HERC3: variants seen among roughly 807,000 people sequenced by gnomAD.
HERC3 encodes the protein probable E3 ubiquitin-protein ligase HERC3.
HERC3 carries 58 observed loss-of-function variants against 129.9 expected under a neutral mutation model. That is an observed-to-expected ratio of 0.45 (90% confidence interval 0.36 to 0.56). The LOEUF (loss-of-function observed/expected upper bound fraction) is 0.56. Among genes scored for constraint, HERC3 ranks in the 20% least tolerant of loss-of-function variants. The pLI is 0.00. For synonymous variants in HERC3, 430 were observed against 451.0 expected, an observed-to-expected ratio of 0.95 and a Z score of 0.59; for missense variants, 835 against 1,244.2, an observed-to-expected ratio of 0.67 and a Z score of 4.95.
intron 11 of HERC3, 40 bp from the exon 12 acceptor site, chr4:88,664,113 A>T (rs1348071790): frequency 6.5e-7 from 1 of 1,549,126 alleles, no homozygotes; most frequent in Non-Finnish European, 8.8e-7. Context: ...TTTATTTGTA[A>T]TTATTAAAGG....
the HERC3 span, among the ~76,000 whole-genome samples, chr4:88,582,182 A>G: frequency 7.9e-5 from 12 of 152,210 alleles, no homozygotes; most frequent in Non-Finnish European, 1.6e-4. Flanking sequence ...ATAGACTAAA[A>G]TGAATAGTTT....
chr4:88,636,864 G>A (rs1275969821), intron 3 of HERC3, among the ~76,000 whole-genome samples: 5 of 152,270 alleles, frequency 3.3e-5, no homozygotes, highest in East Asian at 1.9e-4. Flanking sequence ...GGCCAGGTGC[G>A]ATGGCTCATG....
upstream of HERC3, among the ~76,000 whole-genome samples, chr4:88,591,590 T>A (rs1022309342): frequency 2.0e-5 from 3 of 152,074 alleles, no homozygotes. Context: ...GCATTTTACA[T>A]TTAAGGGGGG....
At chr4:88,688,339 A>G (rs768004629) in intron 23 of HERC3, among the ~76,000 whole-genome samples, 2 of 152,108 alleles carry the variant, frequency 1.3e-5, no homozygotes, top group Non-Finnish European at 2.9e-5. Flanking sequence ...TTGGAGTAGA[A>G]CATGATTGGT....
At position 88,658,446 on chromosome 4, in the gene HERC3, C is replaced by T; in HGVS notation, c.1101C>T (p.Ile367=). Residue 367 remains isoleucine, a synonymous_variant, in exon 10 of 26, where the codon ATC becomes ATT. Transcript: ENST00000402738. ...DRFKYHIVKQ[I]FSGGDQTFVL... ...TTAAATATCATATCGTTAAGCAGAT[C>T]TTCTCTGGAGGAGACCAGACTTTTG... 1 of 1,604,024 alleles carries T rather than the reference C, an allele frequency of 6.2e-7. No individual in the cohort carries two copies. Among genetic ancestry groups the T allele is most frequent in the Non-Finnish European group, 8.5e-7 (1 of 1,174,308 alleles).
intron 16 of HERC3, among the ~76,000 whole-genome samples, chr4:88,675,553 C>T (rs1474483776): frequency 6.6e-6 from 1 of 151,836 alleles, no homozygotes; most frequent in Non-Finnish European, 1.5e-5. Flanking sequence ...ATGTTTGTTA[C>T]GTAACTTAAC....
In HERC3 at chr4:88,704,012, A is replaced by G. The variant is rs1735551350; in HGVS notation, c.2658-86A>G. The G allele has an allele frequency of 5.0e-6, 6 of 1,188,800 alleles. 1 individual carries two copies. The Admixed American group carries it at 6.4e-5, about 13-fold the overall frequency. 73.6% of individuals were successfully genotyped at this position (1,188,800 alleles called of 1,614,324 possible). On this transcript the variant is annotated intron_variant, in intron 23 of 25. Transcript: ENST00000402738. The stretch of plus-strand genomic sequence containing the variant: ...AGAATTTGATGAAATTCTATTTTTT[A>G]TCACTCCCAATCTCAGTGTAGAAGG...
chr4:88,645,369 C>T (rs533850781), intron 3 of HERC3, among the ~76,000 whole-genome samples: 4 of 152,172 alleles, frequency 2.6e-5, no homozygotes, highest in African/African-American at 9.6e-5. Context: ...TGACAATTTG[C>T]GGAAAAGCAG....
intron 3 of HERC3, among the ~76,000 whole-genome samples, chr4:88,614,964 G>GAGAT (rs1383334029): frequency 6.6e-6 from 1 of 152,186 alleles, no homozygotes; most frequent in African/African-American, 2.4e-5. Context: ...CTGCAGTGAA[G>GAGAT]AGATAGGTCA....
At chr4:88,565,359 T>TG in the HERC3 span, among the ~76,000 whole-genome samples, 1 of 152,176 alleles carries the variant, frequency 6.6e-6, no homozygotes, top group African/African-American at 2.4e-5. Context: ...ATTATTGTAT[T>TG]GGGGTCTATC....
At chr4:88,531,857 A>G in the HERC3 span, among the ~76,000 whole-genome samples, 1 of 152,164 alleles carries the variant, frequency 6.6e-6, no homozygotes, top group African/African-American at 2.4e-5. Flanking sequence ...GTGTCTTCTT[A>G]GCACAGGGCA....
the HERC3 span, among the ~76,000 whole-genome samples, chr4:88,558,077 A>G: frequency 7.4e-6 from 1 of 135,860 alleles, no homozygotes; most frequent in Non-Finnish European, 1.5e-5. Flanking sequence ...GACTCAAAAA[A>G]AAAAAAAAAA....
Position 88,667,764 on chromosome 4 carries a change from A to T in HERC3, c.1444-128A>T, listed in dbSNP as rs764892528. The T allele has an allele frequency of 3.5e-5, 25 of 716,090 alleles. No individual in the cohort carries two copies. In the South Asian group the frequency reaches 4.2e-4, roughly 12 times the overall value. 44.4% of individuals were successfully genotyped at this position (716,090 alleles called of 1,614,324 possible). A position where few individuals can be genotyped will look rare whatever the true frequency, so the allele number is the denominator to read the frequency against. Reference sequence around the variant, plus strand: ...GAGGGCCTAGACCAGTGTCAGGCTCATAGTAGGTTCTCAGTGCATAGTGAA... The same window carrying T: ...GAGGGCCTAGACCAGTGTCAGGCTCTTAGTAGGTTCTCAGTGCATAGTGAA... On this transcript the variant is annotated intron_variant, in intron 13 of 25. Transcript: ENST00000402738.
At chr4:88,670,096 T>C (rs1181022339) in intron 15 of HERC3, 43 bp from the exon 16 acceptor site, 1 of 1,601,282 alleles carries the variant, frequency 6.2e-7, no homozygotes, top group Admixed American at 1.7e-5. Flanking sequence ...AGATGTTCTC[T>C]GGGAAGCCAT....
chr4:88,667,879 T>C lies in HERC3; in HGVS notation c.1444-13T>C. ...TATGTTTGAATTTCTCATTACTCTT[T>C]TCCCTCATACAGATTTTGAACAGTT... On this transcript the variant is annotated splice_polypyrimidine_tract_variant and intron_variant, in intron 13 of 25. Coordinates refer to ENST00000402738, the MANE Select transcript of HERC3 (RefSeq NM_014606.3). 6.3e-7 allele frequency: 1 copy of C among 1,588,480 alleles called. No homozygotes were observed. The highest frequency in any genetic ancestry group is 1.3e-5 in the African/African-American group (1 of 74,116).
At chr4:88,642,714 C>T (rs987653650) in intron 3 of HERC3, among the ~76,000 whole-genome samples, 10 of 152,176 alleles carry the variant, frequency 6.6e-5, no homozygotes, top group Non-Finnish European at 1.5e-4. Flanking sequence ...ACCATGAGGG[C>T]TTTGCCCTCA....
At chr4:88,583,380 G>A in the HERC3 span, among the ~76,000 whole-genome samples, 1 of 151,116 alleles carries the variant, frequency 6.6e-6, no homozygotes, top group Non-Finnish European at 1.5e-5. Flanking sequence ...AGGTTGCAGT[G>A]AGCTGAGATC....
chr4:88,676,860 A>G (rs1732224084), intron 18 of HERC3, among the ~76,000 whole-genome samples: 1 of 152,216 alleles, frequency 6.6e-6, no homozygotes, highest in African/African-American at 2.4e-5. Flanking sequence ...TGTAGAAACC[A>G]TGCCGGGTGC....
At chr4:88,619,544 G>C (rs1015800241) in intron 3 of HERC3, among the ~76,000 whole-genome samples, 1 of 152,184 alleles carries the variant, frequency 6.6e-6, no homozygotes, top group Non-Finnish European at 1.5e-5. Context: ...AAAAAAATTA[G>C]GGGAATGTGT....
Sources: gnomAD v4.1 joint callset for allele counts (sites outside exome capture counted in the v4.1 genomes callset) on GRCh38, gnomAD v4.1.1 for gene constraint, MANE v1.5 for transcripts, NCBI Gene and HGNC (gene_info 2026-07-23, HGNC 2026-07-21) for gene names.